TMEM132B: variants seen among roughly 807,000 people sequenced by gnomAD.
The protein encoded by TMEM132B is transmembrane protein 132B.
Under a neutral mutation model 90.8 loss-of-function variants are expected in TMEM132B, and 18 were observed. That is an observed-to-expected ratio of 0.20 (90% CI 0.14 to 0.29). The LOEUF is 0.29. TMEM132B is among the 10% of genes least tolerant of loss of function. The pLI is 1.00. For missense variants in TMEM132B, 1,096 were observed against 1,326.8 expected, an observed-to-expected ratio of 0.83 and a Z score of 2.70; for synonymous variants, 504 against 523.3, an observed-to-expected ratio of 0.96 and a Z score of 0.50.
chr12:125,340,788 G>A (rs1248314609), intron 1 of TMEM132B, among the ~76,000 whole-genome samples: 1 of 152,216 alleles, frequency 6.6e-6, no homozygotes, highest in African/African-American at 2.4e-5. Context: ...GCTGTCAGCA[G>A]TCTTGGCACA....
At chr12:125,557,703 TAA>T (rs58521668) in intron 4 of TMEM132B, among the ~76,000 whole-genome samples, 2 of 151,842 alleles carry the variant, frequency 1.3e-5, no homozygotes, top group East Asian at 1.9e-4. Flanking sequence ...ATGGCAGAGA[TAA>T]AAAAAAATAG....
At chr12:125,341,678 T>C (rs1216826056) in intron 1 of TMEM132B, among the ~76,000 whole-genome samples, 1 of 152,232 alleles carries the variant, frequency 6.6e-6, no homozygotes, top group Non-Finnish European at 1.5e-5. Context: ...TTTTTTCTAC[T>C]GCTGTTCATT....
chr12:125,424,210 T>C (rs188209344), intron 3 of TMEM132B, among the ~76,000 whole-genome samples: 67 of 152,322 alleles, frequency 4.4e-4, no homozygotes, highest in Non-Finnish European at 7.2e-4. Flanking sequence ...GCATAAAATG[T>C]CTGTCAAATA....
Position 125,490,784 on chromosome 12 carries a change from T to G in TMEM132B, c.1107-28655T>G, listed in dbSNP as rs183031224. On this transcript the variant is annotated intron_variant, in intron 3 of 8. Transcript: ENST00000682704. The surrounding 1 kb of genome is among the most constrained non-coding windows in gnomAD (Gnocchi z 4.2). ...CCCGGCCAATTTCTTTCCTTTTGAG[T>G]GTAGGCAGGACTTAGTGACTTACTT... Among the ~76,000 whole-genome samples the G allele has an allele frequency of 2.0e-5, 3 of 152,264 alleles. No individual in the cohort carries two copies. The East Asian group carries it at 5.8e-4, about 29-fold the overall frequency.
chr12:125,442,843 T>C (rs1880912909), intron 3 of TMEM132B, among the ~76,000 whole-genome samples: 1 of 152,246 alleles, frequency 6.6e-6, no homozygotes, highest in Non-Finnish European at 1.5e-5. Flanking sequence ...AGACTTATTT[T>C]AGTTTTGACA....
intron 3 of TMEM132B, among the ~76,000 whole-genome samples, chr12:125,455,966 T>A (rs576140939): frequency 6.6e-6 from 1 of 152,342 alleles, no homozygotes; most frequent in Admixed American, 6.5e-5. Flanking sequence ...TTTCTGGCTT[T>A]GGAAGCCATG....
At chr12:125,195,225 G>A (rs545943137) in intron 1 of TMEM132B, among the ~76,000 whole-genome samples, 22 of 152,014 alleles carry the variant, frequency 1.4e-4, no homozygotes, top group African/African-American at 5.3e-4. Flanking sequence ...GATATCAGCA[G>A]GAAAAAGACA....
intron 1 of TMEM132B, among the ~76,000 whole-genome samples, chr12:125,275,768 T>C (rs528253776): frequency 3.3e-5 from 5 of 152,082 alleles, no homozygotes; most frequent in Non-Finnish European, 7.4e-5. Context: ...GGCTGGAGTG[T>C]GGTGGTGTGA....
Position 125,209,554 on chromosome 12 carries a change from C to T in TMEM132B, c.67+22688C>T, listed in dbSNP as rs933795286. ...CCCTGCCACCCCGTTTCCTTTGTTC[C>T]TGGCTGCTGTGGTGCTGGTCACGCT... On this transcript the variant is annotated intron_variant, in intron 1 of 8. Coordinates refer to ENST00000682704, the MANE Select transcript of TMEM132B (RefSeq NM_001366854.1). The surrounding 1 kb of genome is among the most constrained non-coding windows in gnomAD (Gnocchi z 4.4). Among the ~76,000 whole-genome samples, 19 of 152,336 alleles carry T rather than the reference C, an allele frequency of 1.2e-4. 1 individual carries two copies. Among genetic ancestry groups the T allele is most frequent in the Admixed American group, 3.9e-4 (6 of 15,310 alleles).
At chr12:125,597,626 A>G (rs1182476499) in intron 5 of TMEM132B, among the ~76,000 whole-genome samples, 1 of 152,186 alleles carries the variant, frequency 6.6e-6, no homozygotes, top group Non-Finnish European at 1.5e-5. Context: ...TTTTAAAGAA[A>G]TCACTCAATG....
intron 3 of TMEM132B, among the ~76,000 whole-genome samples, chr12:125,447,113 A>G (rs147525848): frequency 0.013 from 1,922 of 152,230 alleles, 46 homozygotes; most frequent in African/African-American, 0.044. Context: ...TATTTTGGAT[A>G]TGTCTCTTGT....
At chr12:125,608,072 G>A (rs915030492) in intron 5 of TMEM132B, among the ~76,000 whole-genome samples, 1 of 152,024 alleles carries the variant, frequency 6.6e-6, no homozygotes, top group African/African-American at 2.4e-5. Context: ...TTTTTGTGTG[G>A]GCATATGCTT....
Position 125,207,452 on chromosome 12 carries a change from A to C in TMEM132B, c.67+20586A>C, listed in dbSNP as rs529926341. Among the ~76,000 whole-genome samples, 9 of 152,346 alleles carry C rather than the reference A, an allele frequency of 5.9e-5. No homozygotes were observed. In the South Asian group the frequency reaches 1.7e-3, roughly 28 times the overall value. On this transcript the variant is annotated intron_variant, in intron 1 of 8. Transcript: ENST00000682704. ...CCTCCAGACCGGTGCTATTGGATAC[A>C]TTCTACAGTGATGGAGATCTTCTCT... is the stretch of plus-strand genomic sequence containing the variant.
At chr12:125,512,965 CAG>C (rs2136636971) in intron 3 of TMEM132B, among the ~76,000 whole-genome samples, 1 of 152,324 alleles carries the variant, frequency 6.6e-6, no homozygotes, top group South Asian at 2.1e-4. Context: ...GGTGGGGACT[CAG>C]GGAGTGGGAA....
chr12:125,260,674 CTT>C (rs1169895376), intron 1 of TMEM132B, among the ~76,000 whole-genome samples: 1 of 152,158 alleles, frequency 6.6e-6, no homozygotes, highest in Non-Finnish European at 1.5e-5. Flanking sequence ...TGTTTTCAAA[CTT>C]AATGCCAAGT....
intron 5 of TMEM132B, among the ~76,000 whole-genome samples, chr12:125,601,890 A>G (rs1885580920): frequency 6.6e-6 from 1 of 152,220 alleles, no homozygotes; most frequent in Non-Finnish European, 1.5e-5. Flanking sequence ...CTGGACACAT[A>G]CACCCTCCCA....
At chr12:125,318,417 T>C (rs976723300) in intron 1 of TMEM132B, among the ~76,000 whole-genome samples, 6 of 152,176 alleles carry the variant, frequency 3.9e-5, no homozygotes, top group African/African-American at 1.4e-4. Flanking sequence ...ATTTGTTACG[T>C]AGGTAAATGT....
rs368213997 is a variant in TMEM132B, at chr12:125,650,963, G to A, written c.1914+10G>A. On this transcript the variant is annotated intron_variant, in intron 7 of 8. Coordinates refer to ENST00000682704, the MANE Select transcript of TMEM132B (RefSeq NM_001366854.1). ...AATAACCACGGTGCAGGTACACGCC[G>A]CCATGCCTTGCCCAACAGCAGTCTG... 3.5e-5 allele frequency: 57 copies of A among 1,611,142 alleles called. No homozygotes were observed. Among genetic ancestry groups the A allele is most frequent in the African/African-American group, 6.7e-5 (5 of 74,854 alleles).
chr12:125,195,820 T>C (rs12832525), intron 1 of TMEM132B, among the ~76,000 whole-genome samples: 35,681 of 151,726 alleles, frequency 0.24, 4,911 homozygotes, highest in East Asian at 0.47. Flanking sequence ...GAACAGCAGG[T>C]GTAAAGGCCC....
Sources: allele counts gnomAD v4.1 joint callset (sites outside exome capture counted in the v4.1 genomes callset), GRCh38; gene constraint gnomAD v4.1.1; non-coding constraint Gnocchi (gnomAD v3.1); transcripts MANE v1.5; gene names NCBI Gene and HGNC (gene_info 2026-07-23, HGNC 2026-07-21).